Variants in GRIA1 observed in about 807,000 individuals in gnomAD.
The protein encoded by GRIA1 is glutamate ionotropic receptor AMPA type subunit 1.
Under a neutral mutation model 99.2 loss-of-function variants are expected in GRIA1, and 31 were observed. That is an observed-to-expected ratio of 0.31 (90% CI 0.23 to 0.42). The LOEUF is 0.42. Ranked by LOEUF, GRIA1 falls within the 10% of genes least tolerant of loss-of-function variation. The probability of loss-of-function intolerance (pLI) is 1.00; values close to 1 mark genes in which losing one functional copy is unlikely to be tolerated. For missense variants in GRIA1, 782 were observed against 1,157.5 expected, an observed-to-expected ratio of 0.68 and a Z score of 4.71; for synonymous variants, 438 against 432.4, an observed-to-expected ratio of 1.01 and a Z score of -0.16.
At chr5:153,736,035 A>G (rs1408173325) in intron 11 of GRIA1, among the ~76,000 whole-genome samples, 2 of 152,330 alleles carry the variant, frequency 1.3e-5, no homozygotes, top group East Asian at 3.9e-4. Context: ...AATCATCAGC[A>G]TACAGTATTT....
chr5:153,729,931 G>T (rs2149556397), intron 11 of GRIA1, among the ~76,000 whole-genome samples: 1 of 152,202 alleles, frequency 6.6e-6, no homozygotes, highest in East Asian at 1.9e-4. Context: ...AAAATGTCAT[G>T]TGTGAACATA....
At chr5:153,658,749 A>C (rs1755135911) in intron 5 of GRIA1, among the ~76,000 whole-genome samples, 1 of 152,186 alleles carries the variant, frequency 6.6e-6, no homozygotes, top group African/African-American at 2.4e-5. Flanking sequence ...GAAGGCTTTG[A>C]AAGGTTTAAC....
intron 13 of GRIA1, among the ~76,000 whole-genome samples, chr5:153,778,890 G>A (rs1209853809): frequency 6.6e-6 from 1 of 152,068 alleles, no homozygotes; most frequent in Non-Finnish European, 1.5e-5. Context: ...TATCACAGGT[G>A]GATGTCTTAC....
At chr5:153,722,368 G>A (rs1760134695) in intron 11 of GRIA1, among the ~76,000 whole-genome samples, 1 of 152,014 alleles carries the variant, frequency 6.6e-6, no homozygotes, top group South Asian at 2.1e-4. Context: ...AGTACTTTTT[G>A]TGTCTTGCTT....
intron 14 of GRIA1, among the ~76,000 whole-genome samples, chr5:153,798,884 C>G (rs957239470): frequency 2.8e-4 from 43 of 152,082 alleles, no homozygotes; most frequent in East Asian, 1.9e-4. Context: ...ATGAGGGAGA[C>G]AGCAAATCAA....
At chr5:153,709,718 C>T (rs1186094915) in intron 11 of GRIA1, among the ~76,000 whole-genome samples, 1 of 152,136 alleles carries the variant, frequency 6.6e-6, no homozygotes, top group Non-Finnish European at 1.5e-5. Context: ...AAAGTGTTGC[C>T]TTCTATTTCT....
chr5:153,802,276 G>A lies in GRIA1; in HGVS notation c.2386-80G>A, dbSNP rs1052091200. ...GGGTTGTGTGTATGTGTGAAAATAT[G>A]CTGCTGCTTGGATGGTCTTTAGCCT... On this transcript the variant is annotated intron_variant, in intron 14 of 15. Transcript: ENST00000285900. 2.3e-5 allele frequency: 29 copies of A among 1,258,972 alleles called. No individual in the cohort carries two copies. The African/African-American group carries it at 3.1e-4, about 13-fold the overall frequency. The allele number at this position is 1,258,972 out of a possible 1,614,324, so 78.0% of individuals were successfully genotyped here.
chr5:153,579,019 G>T (rs577502770), intron 2 of GRIA1, among the ~76,000 whole-genome samples: 1 of 152,148 alleles, frequency 6.6e-6, no homozygotes, highest in Admixed American at 6.5e-5. Context: ...CCTTCCAAGA[G>T]GTTGTCTGAG....
At chr5:153,614,673 C>T (rs1220149822) in intron 2 of GRIA1, among the ~76,000 whole-genome samples, 2 of 152,188 alleles carry the variant, frequency 1.3e-5, no homozygotes, top group Non-Finnish European at 2.9e-5. Context: ...ATACCTTAAT[C>T]AATTAGTAGC....
chr5:153,794,585 T>C (rs1189425549), intron 13 of GRIA1, 36 bp from the exon 14 acceptor site: 1 of 1,338,894 alleles, frequency 7.5e-7, no homozygotes, highest in Non-Finnish European at 1.1e-6. Flanking sequence ...GTTCTCCACC[T>C]GTTACTCATC....
chr5:153,634,683 T>C (rs557964677), intron 2 of GRIA1, among the ~76,000 whole-genome samples: 21 of 152,232 alleles, frequency 1.4e-4, no homozygotes, highest in Non-Finnish European at 2.5e-4. Flanking sequence ...ATACGTGCAT[T>C]GCAAGACTCT....
chr5:153,800,836 C>T (rs888246770), intron 14 of GRIA1, among the ~76,000 whole-genome samples: 2 of 152,212 alleles, frequency 1.3e-5, no homozygotes, highest in Non-Finnish European at 2.9e-5. Flanking sequence ...AGGCAGACGT[C>T]AGTCGAAGAG....
intron 10 of GRIA1, among the ~76,000 whole-genome samples, chr5:153,701,042 T>C (rs1758483080): frequency 6.6e-6 from 1 of 152,194 alleles, no homozygotes; most frequent in South Asian, 2.1e-4. Flanking sequence ...CCATGGGAAC[T>C]CCCATCAAGC....
At chr5:153,497,927 G>A (rs1754603131) in intron 2 of GRIA1, among the ~76,000 whole-genome samples, 1 of 152,156 alleles carries the variant, frequency 6.6e-6, no homozygotes, top group Non-Finnish European at 1.5e-5. Context: ...GAGTATTGAA[G>A]ATTCCTTGAA....
intron 11 of GRIA1, among the ~76,000 whole-genome samples, chr5:153,728,122 AG>A (rs1257925124): frequency 1.3e-5 from 2 of 151,808 alleles, no homozygotes; most frequent in Non-Finnish European, 2.9e-5. Flanking sequence ...GAGAAAAATA[AG>A]CAATGGGGAA....
chr5:153,642,163 A>G (rs528912197), intron 2 of GRIA1, among the ~76,000 whole-genome samples: 9 of 152,350 alleles, frequency 5.9e-5, no homozygotes, highest in African/African-American at 2.2e-4. Context: ...ACAGTGTGCT[A>G]CATGAGAGGA....
chr5:153,715,720 C>G (rs1443699047), intron 11 of GRIA1, among the ~76,000 whole-genome samples: 1 of 152,186 alleles, frequency 6.6e-6, no homozygotes, highest in East Asian at 1.9e-4. Context: ...CAACCCTGCA[C>G]TATAGTTACC....
intron 5 of GRIA1, among the ~76,000 whole-genome samples, chr5:153,658,997 C>CAAA (rs3037013): frequency 0.025 from 3,559 of 141,448 alleles, 115 homozygotes; most frequent in African/African-American, 0.083. Flanking sequence ...AACAAACAAA[C>CAAA]AAAAAAAAAA....
intron 5 of GRIA1, among the ~76,000 whole-genome samples, chr5:153,666,259 G>A (rs929078026): frequency 2.6e-5 from 4 of 152,142 alleles, no homozygotes; most frequent in South Asian, 2.1e-4. Flanking sequence ...GCTTGTGGAC[G>A]CTGTGGGGGC....
Sources: gnomAD v4.1 joint callset for allele counts (sites outside exome capture counted in the v4.1 genomes callset) on GRCh38, gnomAD v4.1.1 for gene constraint, MANE v1.5 for transcripts, NCBI Gene and HGNC (gene_info 2026-07-23, HGNC 2026-07-21) for gene names.